The following ATP5F1E variants were observed in gnomAD, a reference collection of about 807,000 sequenced individuals.
ATP5F1E encodes the protein ATP synthase F1 subunit epsilon, also known as ATP synthase F(1) complex subunit epsilon, mitochondrial.
In ATP5F1E, 5 loss-of-function variants were observed where a neutral mutation model predicts 7.0. That is an observed-to-expected ratio of 0.71 (90% confidence interval 0.37 to 1.49). The LOEUF (loss-of-function observed/expected upper bound fraction) is 1.49. ATP5F1E is among the 40% of genes most tolerant of loss of function. The pLI is 0.03. For missense variants in ATP5F1E, 59 were observed against 57.1 expected, an observed-to-expected ratio of 1.03 and a Z score of -0.11; for synonymous variants, 20 against 20.1, an observed-to-expected ratio of 0.99 and a Z score of 0.02.
chr20:59,031,849 A>T (rs2092033734), intron 1 of ATP5F1E, among the ~76,000 whole-genome samples: 1 of 152,260 alleles, frequency 6.6e-6, no homozygotes, highest in Admixed American at 6.5e-5. Flanking sequence ...CTGTTTCCCG[A>T]GGTGGATGTG....
At chr20:59,030,271 C>T (rs752460526) in intron 2 of ATP5F1E, 32 bp downstream of exon 2, 9 of 1,610,464 alleles carry the variant, frequency 5.6e-6, no homozygotes, top group Non-Finnish European at 7.6e-6. Context: ...ACTTAAGATG[C>T]AACTGTTCTT....
intron 1 of ATP5F1E, among the ~76,000 whole-genome samples, chr20:59,031,889 C>A (rs1270314782): frequency 6.6e-6 from 1 of 152,278 alleles, no homozygotes; most frequent in African/African-American, 2.4e-5. Flanking sequence ...CTGGCTCCAG[C>A]ACCATTCTAG....
intron 2 of ATP5F1E, chr20:59,029,910 G>A (rs1182297768): frequency 3.8e-6 from 1 of 264,876 alleles, no homozygotes; most frequent in East Asian, 1.0e-4. Context: ...AAATAAAAAT[G>A]TAAAGAACTG....
At chr20:59,030,469 T>C (rs2092020194) in intron 1 of ATP5F1E, 40 bp from the exon 2 acceptor site, 1 of 1,610,788 alleles carries the variant, frequency 6.2e-7, no homozygotes. Context: ...TAATTATCAA[T>C]ATTCCAGCCA....
At chr20:59,031,960 G>A (rs2092034535) in intron 1 of ATP5F1E, among the ~76,000 whole-genome samples, 3 of 152,252 alleles carry the variant, frequency 2.0e-5, no homozygotes, top group South Asian at 4.1e-4. Flanking sequence ...CATTCACAAA[G>A]GTGTCCAGGG....
chr20:59,030,677 G>C (rs528224253), intron 1 of ATP5F1E, among the ~76,000 whole-genome samples: 2 of 152,206 alleles, frequency 1.3e-5, no homozygotes, highest in South Asian at 4.1e-4. Flanking sequence ...TTTGTACTGT[G>C]TTTTCTCTTT....
intron 1 of ATP5F1E, among the ~76,000 whole-genome samples, chr20:59,031,360 C>G (rs1335767490): frequency 6.6e-6 from 1 of 152,184 alleles, no homozygotes; most frequent in Non-Finnish European, 1.5e-5. Context: ...GGGTAGGTTG[C>G]CTAATAAACG....
rs1045483607 is a variant in ATP5F1E, at chr20:59,028,659, A to G, written c.*186T>C. On this transcript the variant is annotated 3_prime_UTR_variant, in exon 3 of 3. Coordinates refer to ENST00000243997, the MANE Select transcript of ATP5F1E (RefSeq NM_006886.4). The stretch of plus-strand genomic sequence containing the variant: ...AGACAGTTCCTTTAAAGAAAATGAA[A>G]AAGTCTCACAAACTAAAATCAAGAG... 4 of 167,086 alleles carry G rather than the reference A, an allele frequency of 2.4e-5. No individual in the cohort carries two copies. The highest frequency in any genetic ancestry group is 4.4e-5 in the Non-Finnish European group (3 of 68,170). The allele number at this position is 167,086 out of a possible 1,614,324, so 10.4% of individuals were successfully genotyped here. A position where few individuals can be genotyped will look rare whatever the true frequency, so the allele number is the denominator to read the frequency against.
rs915090313 is a variant in ATP5F1E, at chr20:59,026,312, A to G, written c.*2533T>C. ...ACACAAAACAACATTCATGTTTTAA[A>G]TGCTTTCTACTTGTGGTTCAAGAAG... On this transcript the variant is annotated 3_prime_UTR_variant, in exon 3 of 3. Coordinates refer to ENST00000243997, the MANE Select transcript of ATP5F1E (RefSeq NM_006886.4). The G allele has an allele frequency of 6.6e-5, 10 of 152,256 alleles. No individual in the cohort carries two copies. Among genetic ancestry groups the G allele is most frequent in the African/African-American group, 2.4e-4 (10 of 41,474 alleles). The allele number at this position is 152,256 out of a possible 1,614,324, so 9.4% of individuals were successfully genotyped here.
chr20:59,032,033 G>GCGAGGT (rs1259168077), intron 1 of ATP5F1E, among the ~76,000 whole-genome samples, 187 bp downstream of exon 1: 5 of 152,246 alleles, frequency 3.3e-5, no homozygotes, highest in Non-Finnish European at 7.3e-5. Context: ...GCGCTCCCAC[G>GCGAGGT]CGAGGTCGAG....
chr20:59,030,532 G>A lies in ATP5F1E; in HGVS notation c.33-103C>T, dbSNP rs1038701452. 27 of 1,430,926 alleles carry A rather than the reference G, an allele frequency of 1.9e-5. No individual in the cohort carries two copies. In the Admixed American group the frequency reaches 2.2e-4, roughly 12 times the overall value. 88.6% of individuals were successfully genotyped at this position (1,430,926 alleles called of 1,614,324 possible). ...CTTCCTGTACTTTTTATTTTGGTTT[G>A]GTTGTACCTTATTGTAGAATTGGAT... On this transcript the variant is annotated intron_variant, in intron 1 of 2. Coordinates refer to ENST00000243997, the MANE Select transcript of ATP5F1E (RefSeq NM_006886.4).
intron 2 of ATP5F1E, chr20:59,029,790 C>T (rs183100130): frequency 1.3e-3 from 223 of 172,686 alleles, no homozygotes; most frequent in Non-Finnish European, 1.6e-3. Context: ...GTATTCGCTG[C>T]GGGGTCTTGC....
rs573153839 is a variant in ATP5F1E, at chr20:59,030,489, T to TA, written c.33-61dup. 4.5e-4 allele frequency: 717 copies of TA among 1,601,836 alleles called. 1 individual carries two copies. The highest frequency in any genetic ancestry group is 1.5e-3 in the Admixed American group (91 of 59,870). On this transcript the variant is annotated intron_variant, in intron 1 of 2. Coordinates refer to ENST00000243997, the MANE Select transcript of ATP5F1E (RefSeq NM_006886.4). ...ATCAATATTCCAGCCAGACAGCTGT[T>TA]ACTGTGTTTTCGCTTTTCTTCCTGT...
chr20:59,029,288 A>C (rs151353), intron 2 of ATP5F1E: 66,371 of 152,050 alleles, frequency 0.44, 15,598 homozygotes, highest in East Asian at 0.79. Context: ...AAAACAAAAC[A>C]ACCCAACATA....
chr20:59,030,167 T>A, intron 2 of ATP5F1E, 136 bp downstream of exon 2: 1 of 1,194,268 alleles, frequency 8.4e-7, no homozygotes, highest in Admixed American at 2.1e-5. Context: ...TGCTTTAAAT[T>A]ATACCATCCC....
At chr20:59,030,119 T>G (rs1815668185) in intron 2 of ATP5F1E, 184 bp downstream of exon 2, 1 of 628,724 alleles carries the variant, frequency 1.6e-6, no homozygotes, top group African/African-American at 1.9e-5. Context: ...CCAAGAAGAC[T>G]TTCTTTTTAT....
chr20:59,031,045 G>C (rs2092024513), intron 1 of ATP5F1E, among the ~76,000 whole-genome samples: 1 of 152,162 alleles, frequency 6.6e-6, no homozygotes, highest in South Asian at 2.1e-4. Context: ...CTTCCTGTTT[G>C]GTAGATGGAC....
intron 1 of ATP5F1E, among the ~76,000 whole-genome samples, chr20:59,031,596 G>A (rs1052386172): frequency 6.6e-6 from 1 of 152,200 alleles, no homozygotes; most frequent in Admixed American, 6.5e-5. Context: ...AATGGTTTGC[G>A]GTTCCACTAT....
At chr20:59,029,341 G>A (rs1214056927) in intron 2 of ATP5F1E, 1 of 152,152 alleles carries the variant, frequency 6.6e-6, no homozygotes, top group Non-Finnish European at 1.5e-5. Flanking sequence ...TAGACAGAGA[G>A]CCCCTAGAAA....
Sources: gnomAD v4.1 joint callset for allele counts (sites outside exome capture counted in the v4.1 genomes callset) on GRCh38, gnomAD v4.1.1 for gene constraint, MANE v1.5 for transcripts, NCBI Gene and HGNC (gene_info 2026-07-23, HGNC 2026-07-21) for gene names.